The following MGAT3 variants were observed in gnomAD, a reference collection of about 807,000 sequenced individuals.
MGAT3 encodes the protein beta-1,4-mannosyl-glycoprotein 4-beta-N-acetylglucosaminyltransferase, also known as GlcNAc-T III.
Under a neutral mutation model 29.8 loss-of-function variants are expected in MGAT3, and 9 were observed. The observed-to-expected ratio is 0.30, with a 90% CI of 0.18 to 0.53. The LOEUF (loss-of-function observed/expected upper bound fraction) is 0.53, where lower values mean the gene tolerates loss of function less well. Ranked by LOEUF, MGAT3 falls within the 20% of genes least tolerant of loss-of-function variation. The pLI, the probability that MGAT3 is intolerant of heterozygous loss-of-function variation, is 0.96. For synonymous variants in MGAT3, 397 were observed against 348.9 expected (o/e 1.14, Z -1.54); for missense variants, 557 against 769.5 (o/e 0.72, Z 3.27).
intron 1 of MGAT3, chr22:39,477,889 G>C (rs1451101480): frequency 6.6e-6 from 1 of 152,292 alleles, no homozygotes; most frequent in Non-Finnish European, 1.5e-5. Flanking sequence ...AACCCTGTGA[G>C]ACAGAAACGG....
intron 1 of MGAT3, among the ~76,000 whole-genome samples, chr22:39,467,368 G>T (rs890620617): frequency 6.6e-6 from 1 of 152,224 alleles, no homozygotes; most frequent in African/African-American, 2.4e-5. Context: ...TGGCTGGGGT[G>T]TGCTTTGGGA....
At position 39,488,014 on chromosome 22, in the gene MGAT3, G is replaced by A. The variant is rs775323171; in HGVS notation, c.667G>A (p.Val223Met). ...CAACCACGAGTTCGACCTGCTGGAC[G>A]TGCGCTTCCACGAGCTGGGCGACGT... Reference protein sequence around the residue: ...NVNHEFDLLDVRFHELGDVVD... With the variant: ...NVNHEFDLLDMRFHELGDVVD... Residue 223 changes from valine (V) to methionine (M), a missense_variant, in exon 2 of 2, where the codon GTG (valine) becomes ATG (methionine). This residue lies in a region of MGAT3 where 243 missense variants were observed against 444.0 expected (regional missense o/e 0.55). Transcript: ENST00000341184. 1 of 1,613,184 alleles carries A rather than the reference G, an allele frequency of 6.2e-7. No individual in the cohort carries two copies. Among genetic ancestry groups the A allele is most frequent in the Non-Finnish European group, 8.5e-7 (1 of 1,179,858 alleles).
intron 1 of MGAT3, among the ~76,000 whole-genome samples, chr22:39,458,040 CG>C (rs979906429): frequency 1.3e-5 from 2 of 152,044 alleles, no homozygotes; most frequent in Non-Finnish European, 2.9e-5. Flanking sequence ...GGGGGCTGGG[CG>C]GGTGCGGGGG....
At chr22:39,461,902 CTCTTTTTTTTTTT>C (rs1928508920) in intron 1 of MGAT3, among the ~76,000 whole-genome samples, 1 of 149,658 alleles carries the variant, frequency 6.7e-6, no homozygotes, top group Non-Finnish European at 1.5e-5. Flanking sequence ...CACTGACCCA[CTCTTTTTTTTTTT>C]TCTTTTGAGA....
At chr22:39,458,163 G>A (rs1307772674) in intron 1 of MGAT3, among the ~76,000 whole-genome samples, 1 of 152,228 alleles carries the variant, frequency 6.6e-6, no homozygotes, top group Non-Finnish European at 1.5e-5. Context: ...CCCAGGGCGG[G>A]GGAGGGAACC....
intron 1 of MGAT3, among the ~76,000 whole-genome samples, chr22:39,486,684 A>G (rs1432327015): frequency 6.6e-6 from 1 of 151,862 alleles, no homozygotes; most frequent in Non-Finnish European, 1.5e-5. Flanking sequence ...AATTTTCTGT[A>G]GAGATGGGGT....
At chr22:39,464,198 G>T (rs1339929888) in intron 1 of MGAT3, among the ~76,000 whole-genome samples, 1 of 152,178 alleles carries the variant, frequency 6.6e-6, no homozygotes, top group African/African-American at 2.4e-5. Flanking sequence ...GGCAGGGCAT[G>T]ATGCCCAGAG....
At chr22:39,462,205 G>A (rs1928518540) in intron 1 of MGAT3, among the ~76,000 whole-genome samples, 1 of 152,128 alleles carries the variant, frequency 6.6e-6, no homozygotes, top group African/African-American at 2.4e-5. Context: ...AGCCTGCACT[G>A]ACCCACTCTT....
intron 1 of MGAT3, among the ~76,000 whole-genome samples, chr22:39,460,569 G>A (rs897087302): frequency 1.3e-5 from 2 of 152,156 alleles, no homozygotes; most frequent in African/African-American, 2.4e-5. Context: ...AGGCCGAGGT[G>A]GGTGGATCAC....
At chr22:39,469,941 C>A (rs1405686266) in intron 1 of MGAT3, among the ~76,000 whole-genome samples, 2 of 152,240 alleles carry the variant, frequency 1.3e-5, no homozygotes, top group African/African-American at 2.4e-5. Context: ...TGGGAACTTG[C>A]AGGCTGGGCC....
intron 1 of MGAT3, among the ~76,000 whole-genome samples, chr22:39,466,658 C>T (rs936464396): frequency 4.6e-5 from 7 of 152,240 alleles, no homozygotes; most frequent in Non-Finnish European, 8.8e-5. Flanking sequence ...CCTCCTGCCC[C>T]TCCCAGACAG....
rs761504428 is a variant in MGAT3 at position 39,488,854 on chromosome 22, C to G, written c.1507C>G (p.Gln503Glu). ...CCACTACCTGCTGGACAACCCCTAC[C>G]AGGAGCCCAGGAGCACGGCGGCGGG... The part of the protein sequence containing the change: ...RFHYLLDNPY[Q>E]EPRSTAAGGW... The change falls in exon 2 of 2, where the codon CAG becomes GAG. Residue 503 changes from glutamine to glutamate, a missense_variant. Gln to Glu is a conservative substitution (Grantham distance 29). Coordinates refer to ENST00000341184, the MANE Select transcript of MGAT3 (RefSeq NM_002409.5). The G allele has an allele frequency of 2.5e-6, 4 of 1,606,664 alleles. No individual in the cohort carries two copies. Among genetic ancestry groups the G allele is most frequent in the Non-Finnish European group, 3.4e-6 (4 of 1,176,756 alleles).
At position 39,486,279 on chromosome 22, in the gene MGAT3, G is replaced by A. The variant is rs1312034313; in HGVS notation, c.-1-1068G>A. 8.6e-6 allele frequency: 3 copies of A among 348,568 alleles called. No homozygotes were observed. In the East Asian group the frequency reaches 2.9e-4, roughly 33 times the overall value. 21.6% of individuals were successfully genotyped at this position (348,568 alleles called of 1,614,324 possible). ...TCTCCTGCCTCAGCCGGTATAGCTG[G>A]GATTATAGGCATGCGCCACTACACT... On this transcript the variant is annotated intron_variant, in intron 1 of 1. Transcript: ENST00000341184.
At chr22:39,478,891 G>A (rs931523955) in intron 1 of MGAT3, among the ~76,000 whole-genome samples, 14 of 152,372 alleles carry the variant, frequency 9.2e-5, no homozygotes, top group Non-Finnish European at 1.5e-4. Context: ...GAAGTGGGAA[G>A]AGGGAGGGAA....
intron 1 of MGAT3, among the ~76,000 whole-genome samples, chr22:39,466,492 T>C (rs1221987635): frequency 6.6e-6 from 1 of 152,080 alleles, no homozygotes; most frequent in African/African-American, 2.4e-5. Context: ...TTCCCCCGCG[T>C]CCCCCATGCT....
chr22:39,479,063 C>G (rs937751622), intron 1 of MGAT3, among the ~76,000 whole-genome samples: 1 of 152,208 alleles, frequency 6.6e-6, no homozygotes, highest in East Asian at 1.9e-4. Context: ...GACCCAGGAC[C>G]GGCCAGAGGC....
At chr22:39,475,512 C>T (rs1314346009) in intron 1 of MGAT3, among the ~76,000 whole-genome samples, 1 of 152,182 alleles carries the variant, frequency 6.6e-6, no homozygotes, top group Non-Finnish European at 1.5e-5. Context: ...GAGCTGCATC[C>T]CTCCCTCCTG....
chr22:39,486,165 G>C (rs977609685), intron 1 of MGAT3: 1 of 382,476 alleles, frequency 2.6e-6, no homozygotes, highest in African/African-American at 2.6e-5. Flanking sequence ...TTTTTTTTTA[G>C]ATGGAGTCTT....
chr22:39,469,053 G>GC (rs1168065534), intron 1 of MGAT3, among the ~76,000 whole-genome samples: 2 of 151,738 alleles, frequency 1.3e-5, no homozygotes, highest in African/African-American at 4.9e-5. Flanking sequence ...ATTCCGGTGA[G>GC]CGGTAGGCTT....
Sources: gnomAD v4.1 joint callset for allele counts (sites outside exome capture counted in the v4.1 genomes callset) on GRCh38, gnomAD v4.1.1 for gene constraint, gnomAD v4.1.1 regional missense constraint, MANE v1.5 for transcripts, NCBI Gene and HGNC (gene_info 2026-07-23, HGNC 2026-07-21) for gene names.